The following UHRF1 variants were observed in gnomAD, a reference collection of about 807,000 sequenced individuals.
The protein encoded by UHRF1 is ubiquitin like with PHD and ring finger domains 1, also known as E3 ubiquitin-protein ligase UHRF1.
UHRF1 carries 9 observed loss-of-function variants against 96.5 expected under a neutral mutation model. The ratio of observed to expected loss-of-function variants is 0.09; its 90% CI spans 0.06 to 0.16. The LOEUF (loss-of-function observed/expected upper bound fraction) is 0.16, where lower values mean the gene tolerates loss of function less well. Ranked by LOEUF, UHRF1 falls within the 10% of genes least tolerant of loss-of-function variation. The pLI is 1.00. For missense variants in UHRF1, 626 were observed against 1,131.1 expected (o/e 0.55, Z 6.40); for synonymous variants, 455 against 469.9 (o/e 0.97, Z 0.41).
At chr19:4,916,529 G>A (rs748531759) in intron 2 of UHRF1, among the ~76,000 whole-genome samples, 8 of 152,076 alleles carry the variant, frequency 5.3e-5, no homozygotes, top group Non-Finnish European at 1.2e-4. Context: ...CCGAAGTGCC[G>A]CTCTAGGGTC....
In UHRF1 at chr19:4,962,101, C is replaced by A. The variant is rs1387354876; in HGVS notation, c.*1298C>A. 6 of 148,610 alleles carry A rather than the reference C, an allele frequency of 4.0e-5. No individual in the cohort carries two copies. In the Admixed American group the frequency reaches 4.1e-4, roughly 10 times the overall value. The allele number at this position is 148,610 out of a possible 1,614,324, so 9.2% of individuals were successfully genotyped here. A position where few individuals can be genotyped will look rare whatever the true frequency, so the allele number is the denominator to read the frequency against. On this transcript the variant is annotated 3_prime_UTR_variant, in exon 17 of 17. Transcript: ENST00000650932. Reference sequence around the variant, plus strand: ...ATTTTGTGTAGGCTTTTTCTAAAGTCCAGTACTTTGTCCAGATTTTAGATT... The same window carrying A: ...ATTTTGTGTAGGCTTTTTCTAAAGTACAGTACTTTGTCCAGATTTTAGATT...
At chr19:4,922,620 G>A (rs1337879300) in intron 2 of UHRF1, among the ~76,000 whole-genome samples, 1 of 152,208 alleles carries the variant, frequency 6.6e-6, no homozygotes, top group African/African-American at 2.4e-5. Flanking sequence ...TCTCTCACCT[G>A]TGGGGTCAGA....
At chr19:4,937,796 T>G (rs2033263128) in intron 5 of UHRF1, among the ~76,000 whole-genome samples, 1 of 152,204 alleles carries the variant, frequency 6.6e-6, no homozygotes, top group Admixed American at 6.5e-5. Flanking sequence ...TTTTCTGTTT[T>G]CTGGAAGAGA....
In UHRF1 at chr19:4,920,291, G is replaced by A. The variant is rs113466619; in HGVS notation, c.154-8931G>A. Among the ~76,000 whole-genome samples, 1,248 of 152,186 alleles carry A rather than the reference G, an allele frequency of 8.2e-3. 22 individuals are homozygous for A. The highest frequency in any genetic ancestry group is 0.026 in the African/African-American group (1,079 of 41,552). On this transcript the variant is annotated intron_variant, in intron 2 of 16. Transcript: ENST00000650932. Reference sequence around the variant, plus strand: ...TACCAAAGATACAAAGATTAGCTGGGTATGCTGGCATGTGCCTGTACTCTC... The same window carrying A: ...TACCAAAGATACAAAGATTAGCTGGATATGCTGGCATGTGCCTGTACTCTC...
chr19:4,958,146 C>T (rs889036892), intron 16 of UHRF1, among the ~76,000 whole-genome samples: 8 of 152,232 alleles, frequency 5.3e-5, no homozygotes, highest in Non-Finnish European at 1.2e-4. Flanking sequence ...CCACCTGCCT[C>T]GCCCTGTGGC....
chr19:4,941,151 C>G (rs894256714), intron 5 of UHRF1, among the ~76,000 whole-genome samples: 1 of 131,188 alleles, frequency 7.6e-6, no homozygotes, highest in Non-Finnish European at 1.5e-5. Context: ...AGTGCAGTGG[C>G]GCGATCTTGG....
chr19:4,910,276 T>TGGCCGGGACGGGGC (rs2032206581), intron 1 of UHRF1: 1 of 115,516 alleles, frequency 8.7e-6, no homozygotes, highest in Non-Finnish European at 1.7e-5. Flanking sequence ...CGCTCGCGGG[T>TGGCCGGGACGGGGC]GGCCGGGACG....
At chr19:4,914,524 C>T (rs2032415362) in intron 2 of UHRF1, among the ~76,000 whole-genome samples, 1 of 151,946 alleles carries the variant, frequency 6.6e-6, no homozygotes, top group African/African-American at 2.4e-5. Flanking sequence ...GGTGGTCTCA[C>T]TTGGGCTGAA....
chr19:4,909,314 C>A (rs1445211999), upstream of UHRF1: 9 of 549,398 alleles, frequency 1.6e-5, 1 homozygote, highest in South Asian at 1.1e-4. Flanking sequence ...CCCAGCAGAG[C>A]GCGCAGGGCT....
At chr19:4,945,517 C>T (rs972718460) in intron 9 of UHRF1, among the ~76,000 whole-genome samples, 2 of 152,074 alleles carry the variant, frequency 1.3e-5, no homozygotes, top group East Asian at 1.9e-4. Context: ...CCTCGGCCCC[C>T]GAAAGTGCTG....
chr19:4,952,512 G>C (rs1306746452), intron 13 of UHRF1, among the ~76,000 whole-genome samples: 4 of 147,244 alleles, frequency 2.7e-5, no homozygotes, highest in African/African-American at 1.0e-4. Context: ...TCTCATCTCA[G>C]CCTCCTGCAT....
At chr19:4,952,131 C>T (rs1055425669) in intron 13 of UHRF1, among the ~76,000 whole-genome samples, 9 of 152,220 alleles carry the variant, frequency 5.9e-5, no homozygotes, top group Non-Finnish European at 1.2e-4. Context: ...CTTGCTCTGT[C>T]GCCCAGGCTG....
At chr19:4,919,894 T>C (rs1052559422) in intron 2 of UHRF1, among the ~76,000 whole-genome samples, 1 of 151,842 alleles carries the variant, frequency 6.6e-6, no homozygotes, top group Non-Finnish European at 1.5e-5. Flanking sequence ...CTCAACTCAC[T>C]GCACCCTCCG....
intron 16 of UHRF1, among the ~76,000 whole-genome samples, chr19:4,959,250 A>C (rs2033931993): frequency 6.6e-6 from 1 of 151,946 alleles, no homozygotes; most frequent in Non-Finnish European, 1.5e-5. Context: ...GAATCCCTTG[A>C]ACCCGGGAGG....
chr19:4,909,854 C>G (rs962545324), intron 1 of UHRF1, 199 bp downstream of exon 1: 11 of 386,422 alleles, frequency 2.8e-5, no homozygotes, highest in Non-Finnish European at 4.1e-5. Flanking sequence ...ACCAGCGCTG[C>G]GTCCCCGGAG....
intron 2 of UHRF1, among the ~76,000 whole-genome samples, chr19:4,925,844 A>T (rs1185108433): frequency 1.3e-5 from 1 of 79,038 alleles, no homozygotes; most frequent in Non-Finnish European, 3.0e-5. Flanking sequence ...TGACACATGG[A>T]TGGATGGCCA....
chr19:4,931,086 G>A (rs1010286735), intron 4 of UHRF1, among the ~76,000 whole-genome samples: 2 of 152,194 alleles, frequency 1.3e-5, no homozygotes, highest in African/African-American at 4.8e-5. Flanking sequence ...TGTCTCCGCG[G>A]AGGGTTCTGC....
At chr19:4,947,714 T>C (rs1599291010) in intron 11 of UHRF1, among the ~76,000 whole-genome samples, 1 of 151,610 alleles carries the variant, frequency 6.6e-6, no homozygotes. Flanking sequence ...TTGGCCAGGC[T>C]GGTCTCGAAC....
At chr19:4,911,069 G>T in intron 2 of UHRF1, 31 bp downstream of exon 2, 2 of 1,513,154 alleles carry the variant, frequency 1.3e-6, no homozygotes, top group East Asian at 2.4e-5. Context: ...TTTGTTCTAT[G>T]CCTGGTCCAG....
Sources: gnomAD v4.1 joint callset for allele counts (sites outside exome capture counted in the v4.1 genomes callset) on GRCh38, gnomAD v4.1.1 for gene constraint, MANE v1.5 for transcripts, NCBI Gene and HGNC (gene_info 2026-07-23, HGNC 2026-07-21) for gene names.